Variants in CMSS1 observed in about 807,000 individuals in gnomAD.
CMSS1 encodes protein CMSS1.
A neutral mutation model predicts 43.5 loss-of-function variants in CMSS1; 33 were observed. The observed-to-expected ratio is 0.76, with a 90% confidence interval of 0.57 to 1.01. CMSS1 has a LOEUF of 1.01. CMSS1 is among the 50% of genes least tolerant of loss of function. The pLI is 0.00. For missense variants in CMSS1, 313 were observed against 326.4 expected (o/e 0.96, Z 0.32); for synonymous variants, 115 against 117.2 (o/e 0.98, Z 0.12).
intron 1 of CMSS1, among the ~76,000 whole-genome samples, chr3:100,042,318 A>G (rs896507941): frequency 1.3e-5 from 2 of 152,288 alleles, no homozygotes; most frequent in South Asian, 4.1e-4. Context: ...TTGTATTCTA[A>G]TAAGAAGACC....
intron 1 of CMSS1, among the ~76,000 whole-genome samples, chr3:99,935,435 C>T (rs79161590): frequency 0.012 from 1,767 of 152,234 alleles, 19 homozygotes; most frequent in African/African-American, 0.026. Flanking sequence ...AACCCTAGAA[C>T]GATAACCTTC....
At chr3:99,968,709 A>AG (rs1176280975) in intron 1 of CMSS1, among the ~76,000 whole-genome samples, 1 of 152,204 alleles carries the variant, frequency 6.6e-6, no homozygotes, top group Non-Finnish European at 1.5e-5. Flanking sequence ...AAAGGAAAAA[A>AG]CAGAGAAATA....
chr3:99,838,685 C>A (rs955161572), intron 1 of CMSS1, among the ~76,000 whole-genome samples: 1 of 152,164 alleles, frequency 6.6e-6, no homozygotes, highest in Non-Finnish European at 1.5e-5. Context: ...CAGAATCAGA[C>A]CTGTTTTCAC....
chr3:100,026,856 A>G (rs2064931526), intron 1 of CMSS1, among the ~76,000 whole-genome samples: 1 of 152,018 alleles, frequency 6.6e-6, no homozygotes, highest in Non-Finnish European at 1.5e-5. Context: ...ACATCGCCCC[A>G]CTGCCCACAA....
chr3:100,045,947 G>T (rs986454531), intron 1 of CMSS1, among the ~76,000 whole-genome samples: 2 of 152,110 alleles, frequency 1.3e-5, no homozygotes, highest in Non-Finnish European at 2.9e-5. Context: ...AGCTGGGGTG[G>T]ATGAGAGAAG....
intron 1 of CMSS1, among the ~76,000 whole-genome samples, chr3:100,001,710 G>A (rs747130670): frequency 2.0e-5 from 3 of 152,168 alleles, no homozygotes; most frequent in Non-Finnish European, 4.4e-5. Context: ...ACACATTGCA[G>A]ATGTGGCCAA....
In CMSS1 at chr3:100,115,512, A is replaced by G. The variant is rs563616763; in HGVS notation, c.65-31461A>G. On this transcript the variant is annotated intron_variant, in intron 1 of 9. Coordinates refer to ENST00000421999, the MANE Select transcript of CMSS1 (RefSeq NM_032359.4). The stretch of plus-strand genomic sequence containing the variant: ...ATATGCTCTTCACTAAGGTTCTCCA[A>G]TGTTTAACATTTTACCACTGGTTGT... Among the ~76,000 whole-genome samples, 46 of 151,106 alleles carry G rather than the reference A, an allele frequency of 3.0e-4. No homozygotes were observed. The South Asian group carries it at 5.4e-3, about 18-fold the overall frequency.
intron 1 of CMSS1, among the ~76,000 whole-genome samples, chr3:99,919,380 T>C (rs1309192210): frequency 2.0e-5 from 3 of 150,044 alleles, no homozygotes; most frequent in Non-Finnish European, 4.4e-5. Flanking sequence ...TTCAGGATTG[T>C]ATAGGTGAGG....
intron 1 of CMSS1, among the ~76,000 whole-genome samples, chr3:99,972,314 A>G (rs1367700433): frequency 3.3e-5 from 5 of 152,196 alleles, no homozygotes; most frequent in Non-Finnish European, 7.3e-5. Flanking sequence ...CTTAGATGCC[A>G]GGGATTTGCA....
chr3:99,851,671 G>A (rs559458435), intron 1 of CMSS1, among the ~76,000 whole-genome samples: 1 of 152,284 alleles, frequency 6.6e-6, no homozygotes, highest in South Asian at 2.1e-4. Context: ...TGGCTTGCTT[G>A]AACCAAAGTG....
intron 1 of CMSS1, among the ~76,000 whole-genome samples, chr3:100,100,379 T>G (rs1212707610): frequency 6.6e-6 from 1 of 152,222 alleles, no homozygotes; most frequent in East Asian, 1.9e-4. Flanking sequence ...CTTGGCTGTC[T>G]TATACATTAT....
chr3:100,068,770 G>T (rs1428106353), intron 1 of CMSS1, among the ~76,000 whole-genome samples: 1 of 152,168 alleles, frequency 6.6e-6, no homozygotes, highest in Non-Finnish European at 1.5e-5. Context: ...TGGGAATACA[G>T]GCGCCCACCA....
At chr3:99,827,989 T>G (rs750173098) in intron 1 of CMSS1, among the ~76,000 whole-genome samples, 10 of 152,256 alleles carry the variant, frequency 6.6e-5, no homozygotes, top group Non-Finnish European at 1.0e-4. Flanking sequence ...TGGATAAAAA[T>G]GTACTTTAGG....
chr3:100,085,246 T>C (rs1473439974), intron 1 of CMSS1, among the ~76,000 whole-genome samples: 3 of 152,230 alleles, frequency 2.0e-5, no homozygotes, highest in African/African-American at 7.2e-5. Flanking sequence ...CATTAATATT[T>C]TAGAACAGCT....
chr3:100,117,825 G>GTGTA (rs1383115136), intron 1 of CMSS1, among the ~76,000 whole-genome samples: 1 of 75,140 alleles, frequency 1.3e-5, no homozygotes, highest in Non-Finnish European at 2.4e-5. Context: ...ATAAACTGCA[G>GTGTA]TATATATATA....
chr3:100,007,989 T>C (rs1248487796), intron 1 of CMSS1, among the ~76,000 whole-genome samples: 1 of 152,204 alleles, frequency 6.6e-6, no homozygotes, highest in Non-Finnish European at 1.5e-5. Context: ...CTGGGAATTA[T>C]AGGTTATGGT....
At chr3:100,077,221 G>A (rs2065863872) in intron 1 of CMSS1, among the ~76,000 whole-genome samples, 1 of 152,144 alleles carries the variant, frequency 6.6e-6, no homozygotes, top group African/African-American at 2.4e-5. Context: ...CAAGCAAATG[G>A]GAACACACCA....
rs954346915 is a variant in CMSS1 at position 100,039,420 on chromosome 3, A to G, written c.65-107553A>G. Among the ~76,000 whole-genome samples, 5 of 152,202 alleles carry G rather than the reference A, an allele frequency of 3.3e-5. No homozygotes were observed. The South Asian group carries it at 6.2e-4, about 19-fold the overall frequency. The stretch of plus-strand genomic sequence containing the variant: ...GTATGTAGTATAAAGATTTCACAGT[A>G]TAAAGATTTCAGTGGAGTTCTACAA... On this transcript the variant is annotated intron_variant, in intron 1 of 9. Transcript: ENST00000421999.
chr3:100,174,698 G>A (rs114731438), intron 8 of CMSS1, among the ~76,000 whole-genome samples: 1 of 152,158 alleles, frequency 6.6e-6, no homozygotes, highest in Non-Finnish European at 1.5e-5. Flanking sequence ...ATATGTAGCT[G>A]TTTATGACTT....
Sources: allele counts gnomAD v4.1 joint callset (sites outside exome capture counted in the v4.1 genomes callset), GRCh38; gene constraint gnomAD v4.1.1; transcripts MANE v1.5; gene names NCBI Gene and HGNC (gene_info 2026-07-23, HGNC 2026-07-21).